ERI2: variants seen among roughly 807,000 people sequenced by gnomAD.
ERI2 encodes ERI1 exoribonuclease 2.
In ERI2, 35 loss-of-function variants were observed where a neutral mutation model predicts 46.8. The observed-to-expected ratio is 0.75, with a 90% CI of 0.57 to 0.99. ERI2 has a LOEUF of 0.99. ERI2 is among the 50% of genes least tolerant of loss of function. The probability of loss-of-function intolerance (pLI) is 0.00; values close to 1 mark genes in which losing one functional copy is unlikely to be tolerated. For missense variants in ERI2, 695 were observed against 796.2 expected, an observed-to-expected ratio of 0.87 and a Z score of 1.53; for synonymous variants, 224 against 271.0, an observed-to-expected ratio of 0.83 and a Z score of 1.70.
chr16:20,806,329 C>T (rs1185834198), intron 1 of ERI2, 79 bp downstream of exon 1: 4 of 1,528,806 alleles, frequency 2.6e-6, no homozygotes, highest in Middle Eastern at 1.9e-4. Context: ...CAGATGCCAC[C>T]TGCCGTGCCC....
chr16:20,782,541 C>T (rs746469714), intron 10 of ERI2, among the ~76,000 whole-genome samples: 30 of 152,150 alleles, frequency 2.0e-4, no homozygotes, highest in South Asian at 8.3e-4. Context: ...ATCTTTTCCC[C>T]CACATTGACC....
rs368032622 is a variant in ERI2 at position 20,806,440 on chromosome 16, T to G, written c.-10A>C. Reference sequence around the variant, plus strand: ...GCCGCTTGGTCGCCATTCCCGACACTCCTTGCTTTTCCAAGTCCAGCTGCC... The same window carrying G: ...GCCGCTTGGTCGCCATTCCCGACACGCCTTGCTTTTCCAAGTCCAGCTGCC... On this transcript the variant is annotated 5_prime_UTR_variant, in exon 1 of 9. Coordinates refer to ENST00000357967, the MANE Select transcript of ERI2 (RefSeq NM_001142725.2). The G allele has an allele frequency of 1.2e-5, 19 of 1,552,744 alleles. No individual in the cohort carries two copies. The highest frequency in any genetic ancestry group is 1.6e-5 in the Non-Finnish European group (18 of 1,148,020).
intron 1 of ERI2, among the ~76,000 whole-genome samples, chr16:20,804,612 G>C (rs911501383): frequency 6.6e-6 from 1 of 152,096 alleles, no homozygotes; most frequent in African/African-American, 2.4e-5. Flanking sequence ...ACTGCAGTGA[G>C]CCGAGATCAT....
chr16:20,786,179 G>A (rs770502669), intron 10 of ERI2: 15 of 1,607,316 alleles, frequency 9.3e-6, no homozygotes, highest in South Asian at 5.5e-5. Flanking sequence ...CCCCTTCCAG[G>A]AGAATGTTTA....
downstream of ERI2, chr16:20,796,271 C>T (rs1284430030): frequency 1.3e-6 from 2 of 1,516,544 alleles, no homozygotes; most frequent in African/African-American, 1.4e-5. Context: ...CACTGGCCCA[C>T]CCCACCAGGC....
Position 20,802,910 on chromosome 16 carries a change from T to G in ERI2, c.189A>C (p.Ala63=). 3 of 1,587,324 alleles carry G rather than the reference T, an allele frequency of 1.9e-6. No individual in the cohort carries two copies. In the South Asian group the frequency reaches 3.4e-5, roughly 18 times the overall value. ...GTCCAGTTGATGTGTTCAGCAACACTGCTGGAAACTCAACTAAATGAAAGA... is the reference window on the plus strand; with the variant it reads ...GTCCAGTTGATGTGTTCAGCAACACGGCTGGAAACTCAACTAAATGAAAGA... ...HHSQEIIEFP[A]VLLNTSTGQI... Residue 63 remains alanine, a synonymous_variant, in exon 4 of 9, where the codon GCA becomes GCC. Transcript: ENST00000357967.
In ERI2 at chr16:20,803,728, G is replaced by A. The variant is rs1382452545; in HGVS notation, c.24-58C>T. 1.3e-5 allele frequency: 20 copies of A among 1,564,566 alleles called. No individual in the cohort carries two copies. The East Asian group carries it at 4.5e-4, about 36-fold the overall frequency. On this transcript the variant is annotated intron_variant, in intron 1 of 8. Transcript: ENST00000357967. Reference sequence around the variant, plus strand: ...TGAACTCATTCACACTCCTGTTTGAGTAGGCTACCAAACTAATGGTACTGG... The same window carrying A: ...TGAACTCATTCACACTCCTGTTTGAATAGGCTACCAAACTAATGGTACTGG...
downstream of ERI2, among the ~76,000 whole-genome samples, chr16:20,795,220 T>C (rs369403834): frequency 1.0e-3 from 159 of 152,280 alleles, 3 homozygotes; most frequent in South Asian, 0.031. Flanking sequence ...AAAGTCTCAC[T>C]ATGTTGCCCA....
chr16:20,803,072 G>C lies in ERI2; in HGVS notation c.176-149C>G, dbSNP rs1050210737. On this transcript the variant is annotated intron_variant, in intron 3 of 8. Transcript: ENST00000357967. ...AATGACCAAAGCAGTGTGACATAAA[G>C]GTTATAATAAAGTTATGCTAAAGTC... 7 of 795,218 alleles carry C rather than the reference G, an allele frequency of 8.8e-6. No individual in the cohort carries two copies. In the Admixed American group the frequency reaches 2.1e-4, roughly 23 times the overall value. The allele number at this position is 795,218 out of a possible 1,614,324, so 49.3% of individuals were successfully genotyped here. A position where few individuals can be genotyped will look rare whatever the true frequency, so the allele number is the denominator to read the frequency against.
chr16:20,789,885 G>T (rs1284200905), intron 9 of ERI2, among the ~76,000 whole-genome samples: 1 of 151,610 alleles, frequency 6.6e-6, no homozygotes, highest in African/African-American at 2.4e-5. Context: ...TGTTGCTCAG[G>T]CTGGTCTTGA....
In ERI2 at chr16:20,797,690, C is replaced by G; in HGVS notation, c.*34G>C. The stretch of plus-strand genomic sequence containing the variant: ...ATCAGAATACTCATGTTTGGAAATT[C>G]AAGGAACAATTAGGATTCATACATG... On this transcript the variant is annotated 3_prime_UTR_variant, in exon 9 of 9. Coordinates refer to ENST00000357967, the MANE Select transcript of ERI2 (RefSeq NM_001142725.2). 6.7e-7 allele frequency: 1 copy of G among 1,481,666 alleles called. No individual in the cohort carries two copies. The highest frequency in any genetic ancestry group is 8.9e-7 in the Non-Finnish European group (1 of 1,118,444). 91.8% of individuals were successfully genotyped at this position (1,481,666 alleles called of 1,614,324 possible).
At chr16:20,806,386 G>A (rs1403186965) in intron 1 of ERI2, 22 bp downstream of exon 1, 2 of 1,549,388 alleles carry the variant, frequency 1.3e-6, no homozygotes, top group South Asian at 1.2e-5. Context: ...ACCCGCCCCC[G>A]ACCCGGAACT....
intron 4 of ERI2, among the ~76,000 whole-genome samples, 169 bp downstream of exon 4, chr16:20,802,627 G>A (rs1362751445): frequency 1.3e-5 from 2 of 148,816 alleles, no homozygotes; most frequent in African/African-American, 5.0e-5. Flanking sequence ...TGTCTAGGTT[G>A]GTCTCAAACT....
chr16:20,802,451 T>G (rs529625710), intron 4 of ERI2, among the ~76,000 whole-genome samples: 21 of 152,074 alleles, frequency 1.4e-4, no homozygotes, highest in Non-Finnish European at 1.6e-4. Context: ...TCACCCAGGA[T>G]AGACTGAGAT....
exon 11 of ERI2, chr16:20,780,733 A>C (rs1037267717): frequency 1.9e-6 from 3 of 1,614,064 alleles, no homozygotes; most frequent in Non-Finnish European, 2.5e-6. Context: ...TGACAGCCAC[A>C]CCTGTGTGAA....
rs1483221269 is a variant in ERI2 at position 20,798,459 on chromosome 16, C to A, written c.1341G>T (p.Leu447Phe). The change falls in exon 9 of 9, where the codon TTG becomes TTT. Residue 447 changes from leucine to phenylalanine, a missense_variant. By Grantham distance (22) the Leu-to-Phe change is conservative. Transcript: ENST00000357967. ...CATGACTTGACATTTCCAATTCTTT[C>A]AAAACCATTAATCTTTCTCCAGAAT... ...SFNSGERLMV[L>F]KELEMSSHEN... The A allele has an allele frequency of 6.4e-7, 1 of 1,551,228 alleles. No individual in the cohort carries two copies. Among genetic ancestry groups the A allele is most frequent in the Non-Finnish European group, 8.7e-7 (1 of 1,146,850 alleles).
chr16:20,790,898 C>T lies in ERI2; in HGVS notation c.767G>A (p.Ser256Asn). 6.2e-7 allele frequency: 1 copy of T among 1,614,096 alleles called. No individual in the cohort carries two copies. The highest frequency in any genetic ancestry group is 8.5e-7 in the Non-Finnish European group (1 of 1,179,982). ...ATGCTGGTCCCCTGAGGCCAGATCA[C>T]TGTTCCAGGTCCACGAAGGCAAGAG... Residue 256 changes from serine to asparagine, a missense_variant, in exon 9 of 11, where the codon AGT becomes AAT. Coordinates refer to the ERI2 transcript ENST00000300005. This position sits in a 1 kb window ranked among gnomAD's most constrained non-coding sequence, Gnocchi z 4.0.
At position 20,802,903 on chromosome 16, in the gene ERI2, G is replaced by A; in HGVS notation, c.196C>T (p.Leu66=). ...QEIIEFPAVL[L]NTSTGQIDSE... is the part of the protein sequence containing the mutation. ...TCAATCTGTCCAGTTGATGTGTTCA[G>A]CAACACTGCTGGAAACTCAACTAAA... The change falls in exon 4 of 9, where the codon CTG becomes TTG. Residue 66 remains leucine, a synonymous_variant. Transcript: ENST00000357967. The A allele has an allele frequency of 6.3e-7, 1 of 1,596,512 alleles. No homozygotes were observed. Among genetic ancestry groups the A allele is most frequent in the Non-Finnish European group, 8.6e-7 (1 of 1,168,116 alleles).
intron 10 of ERI2, chr16:20,784,457 A>C (rs1215742154): frequency 6.6e-6 from 1 of 152,646 alleles, no homozygotes; most frequent in Non-Finnish European, 1.5e-5. Context: ...TCCCACCATC[A>C]GTTTTACCAA....
Sources: allele counts gnomAD v4.1 joint callset (sites outside exome capture counted in the v4.1 genomes callset), GRCh38; gene constraint gnomAD v4.1.1; non-coding constraint Gnocchi (gnomAD v3.1); transcripts MANE v1.5; gene names NCBI Gene and HGNC (gene_info 2026-07-23, HGNC 2026-07-21).